Variants in ERC2 observed in about 807,000 individuals in gnomAD.
ERC2 encodes the protein ELKS/RAB6-interacting/CAST family member 2.
Under a neutral mutation model 114.8 loss-of-function variants are expected in ERC2, and 42 were observed. The observed-to-expected ratio is 0.37, with a 90% CI of 0.29 to 0.47. The LOEUF is 0.47. Among genes scored for constraint, ERC2 ranks in the 20% least tolerant of loss-of-function variants. The pLI is 0.99. For synonymous variants in ERC2, 454 were observed against 425.5 expected (o/e 1.07, Z -0.82); for missense variants, 939 against 1,150.7 (o/e 0.82, Z 2.66).
chr3:55,745,927 G>A lies in ERC2; in HGVS notation c.2565-11009C>T, dbSNP rs542486865. On this transcript the variant is annotated intron_variant, in intron 14 of 17. Transcript: ENST00000288221. ...ATGTAAGTCTCTCTAAAAACAATAT[G>A]TTTTAATTTCGCCTCTATTGTATAT... 7.6e-4 allele frequency among the ~76,000 whole-genome samples: 116 copies of A among 152,250 alleles called. No homozygotes were observed. In the South Asian group the frequency reaches 0.012, roughly 16 times the overall value.
At chr3:55,658,822 C>T (rs1214151336) in intron 17 of ERC2, 1 of 152,730 alleles carries the variant, frequency 6.5e-6, no homozygotes, top group Non-Finnish European at 1.5e-5. Flanking sequence ...TACCAGGCCC[C>T]AGGCCCACAA....
At chr3:55,992,007 G>A (rs374725252) in intron 11 of ERC2, 50 bp downstream of exon 11, 233 of 1,542,036 alleles carry the variant, frequency 1.5e-4, no homozygotes, top group Non-Finnish European at 2.0e-4. Context: ...GGGCAACCAC[G>A]CAGTCCATGT....
intron 3 of ERC2, among the ~76,000 whole-genome samples, chr3:56,183,566 C>T (rs2083415246): frequency 6.6e-6 from 1 of 152,194 alleles, no homozygotes; most frequent in Non-Finnish European, 1.5e-5. Context: ...GGCAGAATGC[C>T]TTCCCTGCCT....
At chr3:56,350,195 G>A (rs1187402446) in intron 2 of ERC2, among the ~76,000 whole-genome samples, 1 of 152,184 alleles carries the variant, frequency 6.6e-6, no homozygotes, top group Non-Finnish European at 1.5e-5. Flanking sequence ...GTCACTGTGT[G>A]TTATTAGTGC....
intron 17 of ERC2, among the ~76,000 whole-genome samples, chr3:55,521,639 A>C (rs1192658240): frequency 2.0e-5 from 3 of 152,240 alleles, no homozygotes; most frequent in African/African-American, 7.2e-5. Flanking sequence ...ACTGCTCATG[A>C]GACCAAAGAG....
At chr3:56,129,458 A>G (rs2080075396) in intron 6 of ERC2, among the ~76,000 whole-genome samples, 1 of 152,218 alleles carries the variant, frequency 6.6e-6, no homozygotes, top group Non-Finnish European at 1.5e-5. Context: ...TGTTTTCCAT[A>G]AAATTCATTT....
chr3:55,845,146 G>T (rs2061294111), intron 14 of ERC2, among the ~76,000 whole-genome samples: 1 of 152,114 alleles, frequency 6.6e-6, no homozygotes, highest in African/African-American at 2.4e-5. Context: ...GTGCAACCTG[G>T]TTCCTAACAG....
intron 16 of ERC2, among the ~76,000 whole-genome samples, chr3:55,692,320 G>T (rs540202474): frequency 1.3e-5 from 2 of 152,280 alleles, no homozygotes; most frequent in African/African-American, 4.8e-5. Context: ...GGACTGTGAG[G>T]CCCCACCAAC....
intron 17 of ERC2, among the ~76,000 whole-genome samples, chr3:55,675,894 CTTTTCTTTCTTTTTTTTTTTTTTTT>C (rs1198694307): frequency 2.8e-4 from 20 of 70,508 alleles, no homozygotes; most frequent in Non-Finnish European, 4.5e-4. Context: ...CTTTCTTTCT[CTTTTCTTTCTTTTTTTTTTTTTTTT>C]TTTTTTTTTT....
At chr3:56,461,754 A>G (rs969561192) in intron 1 of ERC2, among the ~76,000 whole-genome samples, 3 of 152,246 alleles carry the variant, frequency 2.0e-5, no homozygotes, top group Admixed American at 6.5e-5. Context: ...GACACTTCAT[A>G]CAACATAAAT....
intron 14 of ERC2, among the ~76,000 whole-genome samples, chr3:55,813,614 C>T (rs74618609): frequency 0.028 from 4,270 of 152,302 alleles, 137 homozygotes; most frequent in Non-Finnish European, 0.036. Context: ...TGGGAACTGT[C>T]TGACCAGGTA....
intron 17 of ERC2, among the ~76,000 whole-genome samples, chr3:55,552,036 C>G (rs2055241753): frequency 6.6e-6 from 1 of 152,182 alleles, no homozygotes; most frequent in Non-Finnish European, 1.5e-5. Context: ...ATAAGTCAAG[C>G]TATCCAACTG....
At chr3:56,230,307 AT>A (rs993274582) in intron 3 of ERC2, among the ~76,000 whole-genome samples, 7 of 152,236 alleles carry the variant, frequency 4.6e-5, no homozygotes, top group Non-Finnish European at 8.8e-5. Flanking sequence ...TGAGCCTTAA[AT>A]TTAGTAAGTA....
chr3:56,346,259 C>T (rs2058303382), intron 2 of ERC2, among the ~76,000 whole-genome samples: 1 of 152,184 alleles, frequency 6.6e-6, no homozygotes, highest in Non-Finnish European at 1.5e-5. Flanking sequence ...AAAATATGGT[C>T]TCCATGGCTG....
At chr3:56,322,580 A>G (rs1323149730) in intron 2 of ERC2, among the ~76,000 whole-genome samples, 1 of 152,128 alleles carries the variant, frequency 6.6e-6, no homozygotes, top group East Asian at 1.9e-4. Context: ...TGACTAAAAA[A>G]CTGGACAACA....
intron 4 of ERC2, among the ~76,000 whole-genome samples, chr3:56,151,504 C>G (rs898028368): frequency 6.6e-6 from 1 of 152,124 alleles, no homozygotes; most frequent in Non-Finnish European, 1.5e-5. Context: ...ACAGATATAT[C>G]AGATGGTTTT....
chr3:56,020,324 T>G (rs1019997238), intron 7 of ERC2, among the ~76,000 whole-genome samples: 1 of 152,198 alleles, frequency 6.6e-6, no homozygotes, highest in African/African-American at 2.4e-5. Context: ...CCACCTTTCC[T>G]TCATTCATTT....
intron 6 of ERC2, among the ~76,000 whole-genome samples, chr3:56,130,797 G>A (rs1264597064): frequency 6.6e-6 from 1 of 152,152 alleles, no homozygotes; most frequent in African/African-American, 2.4e-5. Context: ...AGTTCACCCA[G>A]GTAGCTAAAA....
At chr3:56,306,766 A>G (rs562041043) in intron 2 of ERC2, among the ~76,000 whole-genome samples, 1 of 152,208 alleles carries the variant, frequency 6.6e-6, no homozygotes, top group Non-Finnish European at 1.5e-5. Flanking sequence ...GTAACAGCCC[A>G]GACTCTGGAG....
Sources: allele counts gnomAD v4.1 joint callset (sites outside exome capture counted in the v4.1 genomes callset), GRCh38; gene constraint gnomAD v4.1.1; transcripts MANE v1.5; gene names NCBI Gene and HGNC (gene_info 2026-07-23, HGNC 2026-07-21).